UNC79: variants seen among roughly 807,000 people sequenced by gnomAD.
The protein encoded by UNC79 is unc-79 subunit of NALCN channel complex.
Under a neutral mutation model 283.1 loss-of-function variants are expected in UNC79, and 37 were observed. That is an observed-to-expected ratio of 0.13 (90% CI 0.10 to 0.17). UNC79 has a LOEUF of 0.17. Ranked by LOEUF, UNC79 falls within the 10% of genes least tolerant of loss-of-function variation. The pLI is 1.00. For synonymous variants in UNC79, 1,107 were observed against 1,200.2 expected (o/e 0.92, Z 1.61); for missense variants, 2,272 against 3,211.1 (o/e 0.71, Z 7.07).
chr14:93,619,372 C>T (rs949233661), intron 29 of UNC79, among the ~76,000 whole-genome samples: 10 of 152,080 alleles, frequency 6.6e-5, no homozygotes, highest in Admixed American at 3.3e-4. Context: ...GGATGGGAGG[C>T]GCCATCTTGT....
intron 34 of UNC79, among the ~76,000 whole-genome samples, chr14:93,645,970 A>G (rs2069553300): frequency 6.6e-6 from 1 of 152,128 alleles, no homozygotes; most frequent in African/African-American, 2.4e-5. Context: ...TTTCTTCAGT[A>G]TCTTACTGAT....
intron 7 of UNC79, among the ~76,000 whole-genome samples, chr14:93,497,791 T>G (rs1301746617): frequency 1.3e-5 from 2 of 151,946 alleles, no homozygotes; most frequent in Non-Finnish European, 2.9e-5. Flanking sequence ...ATGTAGACCA[T>G]CCTGGCTAAC....
At chr14:93,707,249 A>G (rs1301939995), downstream of UNC79, 1 of 210,560 alleles carries the variant, frequency 4.7e-6, no homozygotes, top group Non-Finnish European at 9.4e-6. Context: ...TTTTGATGAT[A>G]GAGAATAAAT....
At chr14:93,592,702 A>T (rs1354298684) in intron 22 of UNC79, among the ~76,000 whole-genome samples, 1 of 152,226 alleles carries the variant, frequency 6.6e-6, no homozygotes, top group Non-Finnish European at 1.5e-5. Context: ...ACAAAACAAC[A>T]ACAAAAACAA....
At position 93,497,965 on chromosome 14, in the gene UNC79, A is replaced by G. The variant is rs565751385; in HGVS notation, c.898+679A>G. On this transcript the variant is annotated intron_variant, in intron 7 of 48. Coordinates refer to ENST00000555664, the Ensembl canonical transcript of UNC79. ...CGCACCACTGCTCTCCAGCCTGGCTACAGAGCGAGATTCTGTCTAAAAAAA... is the reference window on the plus strand; with the variant it reads ...CGCACCACTGCTCTCCAGCCTGGCTGCAGAGCGAGATTCTGTCTAAAAAAA... Among the ~76,000 whole-genome samples the G allele has an allele frequency of 2.0e-3, 294 of 150,066 alleles. 2 individuals carry two copies. The highest frequency in any genetic ancestry group is 6.8e-3 in the African/African-American group (278 of 40,668).
chr14:93,440,976 T>C (rs1337885674), intron 1 of UNC79, among the ~76,000 whole-genome samples: 2 of 152,122 alleles, frequency 1.3e-5, no homozygotes, highest in Admixed American at 6.6e-5. Flanking sequence ...TTAGGTCTTT[T>C]ATACCTTTTA....
chr14:93,479,657 T>C (rs66777881), intron 4 of UNC79, among the ~76,000 whole-genome samples: 59,101 of 151,860 alleles, frequency 0.39, 11,818 homozygotes, highest in East Asian at 0.65. Flanking sequence ...TTTTTTGATA[T>C]AGGGTCTTAT....
At chr14:93,582,457 G>T (rs1305793543) in intron 20 of UNC79, 113 bp downstream of exon 20, 1 of 1,423,028 alleles carries the variant, frequency 7.0e-7, no homozygotes, top group Non-Finnish European at 9.3e-7. Flanking sequence ...GGTTTCCTTA[G>T]TATAGACTCG....
chr14:93,570,410 T>C (rs193007046), intron 14 of UNC79, among the ~76,000 whole-genome samples: 130 of 152,350 alleles, frequency 8.5e-4, no homozygotes, highest in Admixed American at 3.1e-3. Context: ...AATGTTTTTA[T>C]AAATCTTTTA....
intron 1 of UNC79, among the ~76,000 whole-genome samples, chr14:93,357,647 G>A (rs1476557629): frequency 7.3e-6 from 1 of 137,494 alleles, no homozygotes; most frequent in African/African-American, 2.7e-5. Context: ...CCTTGTGATT[G>A]TGTGAGTTAA....
At chr14:93,697,192 A>G (rs1270208836) in intron 47 of UNC79, among the ~76,000 whole-genome samples, 3 of 151,648 alleles carry the variant, frequency 2.0e-5, no homozygotes, top group African/African-American at 7.3e-5. Flanking sequence ...CTGGAGTGTA[A>G]TGGTGCAATC....
At chr14:93,542,961 T>TG (rs1182734888) in intron 14 of UNC79, among the ~76,000 whole-genome samples, 4 of 151,514 alleles carry the variant, frequency 2.6e-5, no homozygotes, top group African/African-American at 9.7e-5. Context: ...TGCTGATTTT[T>TG]TTTTTTTTTG....
At chr14:93,518,488 A>C (rs2060175302) in intron 7 of UNC79, among the ~76,000 whole-genome samples, 1 of 102,724 alleles carries the variant, frequency 9.7e-6, no homozygotes. Flanking sequence ...AGTTTTTGGG[A>C]CTTTTCAAAG....
chr14:93,500,900 T>G (rs2059249956), intron 7 of UNC79, among the ~76,000 whole-genome samples: 1 of 152,246 alleles, frequency 6.6e-6, no homozygotes, highest in Non-Finnish European at 1.5e-5. Flanking sequence ...GAAATGGCAC[T>G]ATAACCCCAA....
chr14:93,575,282 C>T (rs2063409440), intron 17 of UNC79, 84 bp downstream of exon 17: 6 of 1,549,744 alleles, frequency 3.9e-6, no homozygotes, highest in Non-Finnish European at 4.4e-6. Context: ...AAAGTACTGT[C>T]ATAAGAAACC....
At chr14:93,497,517 G>C (rs545914000) in intron 7 of UNC79, among the ~76,000 whole-genome samples, 1 of 152,308 alleles carries the variant, frequency 6.6e-6, no homozygotes, top group East Asian at 1.9e-4. Context: ...CCCATTTGCT[G>C]TACCACTGGC....
chr14:93,502,548 G>A (rs193237048), intron 7 of UNC79, among the ~76,000 whole-genome samples: 4 of 152,210 alleles, frequency 2.6e-5, no homozygotes, highest in African/African-American at 9.6e-5. Flanking sequence ...AATGAAAATA[G>A]CCATTATGTT....
intron 42 of UNC79, 80 bp from the exon 46 acceptor site, chr14:93,686,492 C>T: frequency 6.8e-7 from 1 of 1,468,444 alleles, no homozygotes; most frequent in Non-Finnish European, 9.5e-7. Flanking sequence ...CCTTAGTAAA[C>T]AACGTGAAAC....
At chr14:93,652,711 A>G (rs2070422740) in intron 35 of UNC79, among the ~76,000 whole-genome samples, 1 of 152,230 alleles carries the variant, frequency 6.6e-6, no homozygotes, top group African/African-American at 2.4e-5. Flanking sequence ...CTCTTGGAAT[A>G]AACTCTACTT....
Sources: allele counts gnomAD v4.1 joint callset (sites outside exome capture counted in the v4.1 genomes callset), GRCh38; gene constraint gnomAD v4.1.1; transcripts MANE v1.5; gene names NCBI Gene and HGNC (gene_info 2026-07-23, HGNC 2026-07-21).